Variants in ASTN2 observed in about 807,000 individuals in gnomAD.
ASTN2 encodes the protein astrotactin-2.
ASTN2 carries 54 observed loss-of-function variants against 139.8 expected under a neutral mutation model. That is an observed-to-expected ratio of 0.39 (90% CI 0.31 to 0.48). ASTN2 has a LOEUF of 0.48. ASTN2 is among the 20% of genes least tolerant of loss of function. ASTN2 has a pLI of 0.95. For synonymous variants in ASTN2, 756 were observed against 719.5 expected (o/e 1.05, Z -0.81); for missense variants, 1,565 against 1,725.1 (o/e 0.91, Z 1.64).
At position 116,870,532 on chromosome 9, in the gene ASTN2, C is replaced by T. The variant is rs571147668; in HGVS notation, c.1890-6799G>A. On this transcript the variant is annotated intron_variant, in intron 10 of 22. Coordinates refer to ENST00000313400, the MANE Select transcript of ASTN2 (RefSeq NM_001365068.1). ...AGCAGCTGTTTCTGTTCCTATATAA[C>T]CCAGACATTGTGCAAAAGGTTCCAA... Among the ~76,000 whole-genome samples the T allele has an allele frequency of 7.2e-5, 11 of 152,226 alleles. No individual in the cohort carries two copies. In the East Asian group the frequency reaches 2.1e-3, roughly 29 times the overall value.
At chr9:117,368,373 A>T (rs1355219854) in intron 1 of ASTN2, among the ~76,000 whole-genome samples, 1 of 152,186 alleles carries the variant, frequency 6.6e-6, no homozygotes, top group Non-Finnish European at 1.5e-5. Flanking sequence ...ACACAAAAAG[A>T]ATGTTCCAGA....
At chr9:116,636,151 T>C (rs1305663575) in intron 17 of ASTN2, among the ~76,000 whole-genome samples, 1 of 152,228 alleles carries the variant, frequency 6.6e-6, no homozygotes, top group Non-Finnish European at 1.5e-5. Flanking sequence ...TACTGCTATG[T>C]AATACTGATA....
chr9:117,311,489 A>G (rs1202679762), intron 1 of ASTN2, among the ~76,000 whole-genome samples: 1 of 152,098 alleles, frequency 6.6e-6, no homozygotes, highest in East Asian at 1.9e-4. Context: ...GTGAGAAGGG[A>G]GCATAGCCCA....
intron 1 of ASTN2, among the ~76,000 whole-genome samples, chr9:117,334,667 G>A (rs547249089): frequency 2.6e-4 from 40 of 152,136 alleles, no homozygotes; most frequent in East Asian, 1.5e-3. Context: ...CTTGGAATGC[G>A]TTTCCTAAGA....
At chr9:117,410,208 C>T (rs188235291) in intron 1 of ASTN2, among the ~76,000 whole-genome samples, 16 of 152,138 alleles carry the variant, frequency 1.1e-4, no homozygotes, top group African/African-American at 3.9e-4. Context: ...TCTTGCCTGA[C>T]CACTATCAAG....
chr9:116,632,128 AAGAGAGAGAGAG>A (rs145360209), intron 17 of ASTN2, among the ~76,000 whole-genome samples: 1 of 47,738 alleles, frequency 2.1e-5, no homozygotes, highest in African/African-American at 7.8e-5. Context: ...AAAGAAAAAG[AAGAGAGAGAGAG>A]AGAGAGAGAG....
At chr9:117,103,709 G>A (rs911195348) in intron 4 of ASTN2, among the ~76,000 whole-genome samples, 2 of 152,126 alleles carry the variant, frequency 1.3e-5, no homozygotes, top group Admixed American at 1.3e-4. Context: ...GCTGGTGACA[G>A]TGATATTGCA....
chr9:116,446,960 A>C (rs533283705), intron 20 of ASTN2, among the ~76,000 whole-genome samples: 36 of 152,270 alleles, frequency 2.4e-4, no homozygotes, highest in African/African-American at 8.4e-4. Flanking sequence ...CATCATCTTC[A>C]TCATCCTTAG....
At chr9:117,244,926 T>C (rs769777284) in intron 2 of ASTN2, among the ~76,000 whole-genome samples, 1 of 152,138 alleles carries the variant, frequency 6.6e-6, no homozygotes, top group Non-Finnish European at 1.5e-5. Flanking sequence ...TAATGCACGA[T>C]TATTTTGACT....
At chr9:117,295,191 A>G (rs1834698331) in intron 1 of ASTN2, among the ~76,000 whole-genome samples, 1 of 152,030 alleles carries the variant, frequency 6.6e-6, no homozygotes, top group Admixed American at 6.6e-5. Context: ...GCATGGTGGC[A>G]TGTACCTGTA....
intron 11 of ASTN2, among the ~76,000 whole-genome samples, chr9:116,821,381 G>A (rs2132271145): frequency 6.6e-6 from 1 of 152,166 alleles, no homozygotes; most frequent in African/African-American, 2.4e-5. Flanking sequence ...ACCTTACTTC[G>A]GAATTTGGCA....
intron 13 of ASTN2, among the ~76,000 whole-genome samples, chr9:116,738,171 G>A (rs1186278984): frequency 4.2e-5 from 6 of 142,794 alleles, no homozygotes; most frequent in African/African-American, 1.0e-4. Flanking sequence ...CAGCCTGGGC[G>A]ACAGAGCGAG....
chr9:117,132,711 C>T (rs1327476695), intron 4 of ASTN2, among the ~76,000 whole-genome samples: 2 of 152,054 alleles, frequency 1.3e-5, no homozygotes, highest in Non-Finnish European at 2.9e-5. Context: ...TGTGGGTCAC[C>T]GGGTTGGTGG....
At chr9:116,568,340 A>AT (rs1361937041) in intron 19 of ASTN2, 4 of 152,150 alleles carry the variant, frequency 2.6e-5, no homozygotes, top group African/African-American at 9.7e-5. Flanking sequence ...AGTTTTGGAT[A>AT]TTTTTTTAAA....
At chr9:116,834,023 A>G (rs1831907075) in intron 11 of ASTN2, among the ~76,000 whole-genome samples, 1 of 152,228 alleles carries the variant, frequency 6.6e-6, no homozygotes, top group Non-Finnish European at 1.5e-5. Flanking sequence ...CAGCCTCCAG[A>G]ACTGTTAGAA....
At chr9:117,375,190 T>C (rs775276104) in intron 1 of ASTN2, among the ~76,000 whole-genome samples, 2 of 152,246 alleles carry the variant, frequency 1.3e-5, no homozygotes, top group Non-Finnish European at 2.9e-5. Context: ...GCCTGCCCTC[T>C]AGGGCTCAGT....
At chr9:116,734,561 T>C (rs969669328) in intron 13 of ASTN2, among the ~76,000 whole-genome samples, 1 of 150,586 alleles carries the variant, frequency 6.6e-6, no homozygotes, top group South Asian at 2.8e-4. Flanking sequence ...TGAATTATAG[T>C]CTGGAGAGGA....
chr9:116,434,757 C>T (rs1206270860), intron 22 of ASTN2, among the ~76,000 whole-genome samples: 5 of 152,130 alleles, frequency 3.3e-5, no homozygotes, highest in Middle Eastern at 3.2e-3. Context: ...TAATAGGAAC[C>T]TTATGTCTGG....
intron 16 of ASTN2, among the ~76,000 whole-genome samples, chr9:116,661,440 G>T (rs775505068): frequency 2.0e-5 from 3 of 152,162 alleles, no homozygotes; most frequent in Non-Finnish European, 4.4e-5. Context: ...TGCTGAGAAG[G>T]CCTATTCAGT....
Sources: allele counts gnomAD v4.1 joint callset (sites outside exome capture counted in the v4.1 genomes callset), GRCh38; gene constraint gnomAD v4.1.1; transcripts MANE v1.5; gene names NCBI Gene and HGNC (gene_info 2026-07-23, HGNC 2026-07-21).